PLEKHM3: variants seen among roughly 807,000 people sequenced by gnomAD.
The protein encoded by PLEKHM3 is pleckstrin homology domain containing M3.
In PLEKHM3, 45 loss-of-function variants were observed where a neutral mutation model predicts 81.8. The observed-to-expected ratio is 0.55, with a 90% CI of 0.43 to 0.71. The LOEUF (loss-of-function observed/expected upper bound fraction) is 0.71, where lower values mean the gene tolerates loss of function less well. Ranked by LOEUF, PLEKHM3 falls within the 30% of genes least tolerant of loss-of-function variation. The pLI is 0.00. For missense variants in PLEKHM3, 788 were observed against 924.3 expected (o/e 0.85, Z 1.91); for synonymous variants, 352 against 356.4 (o/e 0.99, Z 0.14).
At chr2:208,017,515 G>T (rs1174588528) in intron 1 of PLEKHM3, among the ~76,000 whole-genome samples, 1 of 152,156 alleles carries the variant, frequency 6.6e-6, no homozygotes, top group East Asian at 1.9e-4. Context: ...ATTCAGTGGC[G>T]CAAGTGTTGC....
At chr2:207,902,745 A>G (rs1402022371) in intron 6 of PLEKHM3, among the ~76,000 whole-genome samples, 1 of 152,080 alleles carries the variant, frequency 6.6e-6, no homozygotes, top group Non-Finnish European at 1.5e-5. Flanking sequence ...TTGCTTTTCA[A>G]GGGAGAGAGA....
At chr2:208,009,756 T>C (rs1380590134) in intron 1 of PLEKHM3, among the ~76,000 whole-genome samples, 1 of 152,174 alleles carries the variant, frequency 6.6e-6, no homozygotes, top group African/African-American at 2.4e-5. Context: ...ATTTGCCAAA[T>C]GAATAACTGA....
chr2:207,909,664 C>A (rs1574396441), intron 5 of PLEKHM3, among the ~76,000 whole-genome samples: 1 of 152,286 alleles, frequency 6.6e-6, no homozygotes, highest in Admixed American at 6.5e-5. Context: ...CCAACCCTGG[C>A]TGTCTATTAG....
intron 1 of PLEKHM3, among the ~76,000 whole-genome samples, chr2:208,017,511 T>C (rs1692961367): frequency 6.6e-6 from 1 of 152,194 alleles, no homozygotes; most frequent in South Asian, 2.1e-4. Context: ...AGGGATTCAG[T>C]GGCGCAAGTG....
chr2:207,986,746 C>A (rs556117436), intron 2 of PLEKHM3, among the ~76,000 whole-genome samples: 2 of 150,948 alleles, frequency 1.3e-5, no homozygotes, highest in African/African-American at 4.9e-5. Context: ...TCATGGCTCA[C>A]GGCAGCATCA....
intron 6 of PLEKHM3, among the ~76,000 whole-genome samples, chr2:207,873,492 T>G (rs1157985314): frequency 6.6e-6 from 1 of 152,204 alleles, no homozygotes; most frequent in African/African-American, 2.4e-5. Flanking sequence ...AAAAGAAACT[T>G]GTTGAATAGC....
chr2:207,874,654 C>T (rs1224078339), intron 6 of PLEKHM3, among the ~76,000 whole-genome samples: 3 of 151,892 alleles, frequency 2.0e-5, no homozygotes, highest in South Asian at 2.1e-4. Flanking sequence ...TGCAGTGGCA[C>T]GATCTTGGCT....
At chr2:207,954,298 A>G (rs1007823215) in intron 3 of PLEKHM3, among the ~76,000 whole-genome samples, 1 of 152,188 alleles carries the variant, frequency 6.6e-6, no homozygotes, top group Non-Finnish European at 1.5e-5. Context: ...CGAGGGTTCA[A>G]TGAGCTATTA....
At chr2:207,997,568 T>A (rs575952629) in intron 2 of PLEKHM3, among the ~76,000 whole-genome samples, 1 of 152,196 alleles carries the variant, frequency 6.6e-6, no homozygotes, top group Admixed American at 6.5e-5. Context: ...ACAAAACCTG[T>A]TGACCTCATC....
intron 3 of PLEKHM3, among the ~76,000 whole-genome samples, chr2:207,956,630 C>T (rs533123574): frequency 6.6e-6 from 1 of 151,520 alleles, no homozygotes; most frequent in East Asian, 1.9e-4. Context: ...ATTGCAGCCT[C>T]AACCCCCTGG....
At chr2:207,844,307 T>C (rs981663383) in intron 7 of PLEKHM3, among the ~76,000 whole-genome samples, 2 of 146,210 alleles carry the variant, frequency 1.4e-5, no homozygotes, top group East Asian at 3.9e-4. Context: ...ATTTTTCTTT[T>C]TTTTTTTTTT....
Position 207,897,662 on chromosome 2 carries a change from C to A in PLEKHM3, c.1950+10852G>T, listed in dbSNP as rs143789676. Among the ~76,000 whole-genome samples the A allele has an allele frequency of 1.6e-3, 251 of 152,306 alleles. 2 individuals carry two copies. The highest frequency in any genetic ancestry group is 5.7e-3 in the African/African-American group (237 of 41,574). ...TGCAGCGGCCAGCACCTCTGCAATG[C>A]CCAATGTTGGATATCATCATCCCTT... On this transcript the variant is annotated intron_variant, in intron 6 of 7. Transcript: ENST00000427836.
chr2:207,902,241 C>T (rs7563348), intron 6 of PLEKHM3, among the ~76,000 whole-genome samples: 31,440 of 152,104 alleles, frequency 0.21, 3,814 homozygotes, highest in Middle Eastern at 0.28. Context: ...CACTTAGGCT[C>T]GGCCTTTGTC....
Position 207,865,801 on chromosome 2 carries a change from A to AAAAAAAAAAAAATATATAT in PLEKHM3, c.1951-4540_1951-4539insATATATATTTTTTTTTTTT. Reference sequence around the variant, plus strand: ...CGACTCAAAAAAAAAAAAAAAAAAAAAGATATATATATATATATATATATA... The same window carrying AAAAAAAAAAAAATATATAT: ...CGACTCAAAAAAAAAAAAAAAAAAAAAAAAAAAAAAAATATATATAGATATATATATATATATATATATA... On this transcript the variant is annotated intron_variant, in intron 6 of 7. Transcript: ENST00000427836. 2.4e-4 allele frequency among the ~76,000 whole-genome samples: 6 copies of AAAAAAAAAAAAATATATAT among 25,290 alleles called. 2 individuals are homozygous for AAAAAAAAAAAAATATATAT. Among genetic ancestry groups the AAAAAAAAAAAAATATATAT allele is most frequent in the African/African-American group, 8.3e-4 (4 of 4,794 alleles). The allele number at this position is 25,290 out of a possible 152,430, so 16.6% of individuals were successfully genotyped here.
In PLEKHM3 at chr2:207,867,263, C is replaced by T. The variant is rs572535963; in HGVS notation, c.1951-6001G>A. Among the ~76,000 whole-genome samples, 12 of 152,296 alleles carry T rather than the reference C, an allele frequency of 7.9e-5. 1 individual carries two copies. The highest frequency in any genetic ancestry group is 2.9e-4 in the African/African-American group (12 of 41,572). ...GCTCAGCTATTCAGGGATCCTTTTG[C>T]TTCTTTATACTTGATTTACTTGATT... On this transcript the variant is annotated intron_variant, in intron 6 of 7. Transcript: ENST00000427836.
intron 6 of PLEKHM3, among the ~76,000 whole-genome samples, chr2:207,874,039 C>T (rs983835428): frequency 6.6e-6 from 1 of 152,068 alleles, no homozygotes; most frequent in Non-Finnish European, 1.5e-5. Flanking sequence ...AAGTAGAAGC[C>T]ACAACTTTCA....
At chr2:207,836,177 A>G (rs992442034) in intron 7 of PLEKHM3, among the ~76,000 whole-genome samples, 1 of 152,176 alleles carries the variant, frequency 6.6e-6, no homozygotes, top group African/African-American at 2.4e-5. Context: ...TTTGAATTTC[A>G]ATAAATGCAT....
chr2:207,972,294 A>G (rs997529315), intron 3 of PLEKHM3, among the ~76,000 whole-genome samples: 1 of 145,574 alleles, frequency 6.9e-6, no homozygotes, highest in Admixed American at 6.8e-5. Flanking sequence ...GAAGACCACT[A>G]TAAGGCTGGG....
intron 1 of PLEKHM3, among the ~76,000 whole-genome samples, chr2:208,008,511 A>AAAC (rs1440453386): frequency 2.0e-5 from 3 of 148,188 alleles, no homozygotes; most frequent in African/African-American, 7.4e-5. Context: ...CAAAAAAAAA[A>AAAC]AAAAAAAAAA....
Sources: allele counts gnomAD v4.1 joint callset (sites outside exome capture counted in the v4.1 genomes callset), GRCh38; gene constraint gnomAD v4.1.1; transcripts MANE v1.5; gene names NCBI Gene and HGNC (gene_info 2026-07-23, HGNC 2026-07-21).